Variants in CA10 observed in about 807,000 individuals in gnomAD.
CA10 encodes the protein carbonic anhydrase 10 (inactive), also known as carbonic anhydrase-related protein 10.
Under a neutral mutation model 44.2 loss-of-function variants are expected in CA10, and 14 were observed. That is an observed-to-expected ratio of 0.32 (90% CI 0.21 to 0.50). The LOEUF is 0.50. CA10 is among the 20% of genes least tolerant of loss of function. The probability of loss-of-function intolerance (pLI) is 0.99; values close to 1 mark genes in which losing one functional copy is unlikely to be tolerated. For synonymous variants in CA10, 159 were observed against 141.6 expected (o/e 1.12, Z -0.87); for missense variants, 350 against 409.7 (o/e 0.85, Z 1.26).
chr17:51,963,421 T>C (rs748860409), intron 2 of CA10, among the ~76,000 whole-genome samples: 30 of 152,108 alleles, frequency 2.0e-4, no homozygotes, highest in Non-Finnish European at 3.7e-4. Context: ...CAGAGAACAC[T>C]TGCAGTATCC....
At chr17:51,792,884 G>A (rs9913931) in intron 3 of CA10, among the ~76,000 whole-genome samples, 3,802 of 152,170 alleles carry the variant, frequency 0.025, 157 homozygotes, top group African/African-American at 0.085. Flanking sequence ...AAGACTATAC[G>A]GTATATATTA....
At position 51,873,133 on chromosome 17, in the gene CA10, GT is replaced by G. The variant is rs903846762; in HGVS notation, c.279+57856del. ...GGGAAGTTATTTAAGTCTCTGCATT[GT>G]TTTTTTTCCCTCACCTGCAAAGTGG... On this transcript the variant is annotated intron_variant, in intron 3 of 8. Coordinates refer to ENST00000451037, the MANE Select transcript of CA10 (RefSeq NM_020178.5). 5.3e-5 allele frequency among the ~76,000 whole-genome samples: 8 copies of G among 152,012 alleles called. No homozygotes were observed. The East Asian group carries it at 5.8e-4, about 11-fold the overall frequency.
intron 4 of CA10, among the ~76,000 whole-genome samples, chr17:51,738,207 T>G (rs1203682879): frequency 6.6e-6 from 1 of 152,200 alleles, no homozygotes; most frequent in Non-Finnish European, 1.5e-5. Flanking sequence ...TTGGCACCAT[T>G]GAAATGATTA....
At chr17:52,152,758 T>C (rs1349010328) in intron 1 of CA10, among the ~76,000 whole-genome samples, 3 of 152,140 alleles carry the variant, frequency 2.0e-5, no homozygotes, top group African/African-American at 7.2e-5. Context: ...ATGACACAGA[T>C]GCTTTACACT....
chr17:51,729,748 T>C (rs1916652734), intron 4 of CA10, among the ~76,000 whole-genome samples: 3 of 152,210 alleles, frequency 2.0e-5, no homozygotes, highest in Admixed American at 1.3e-4. Context: ...ATCATATAGT[T>C]TCTACTAAAC....
intron 2 of CA10, among the ~76,000 whole-genome samples, chr17:51,936,312 T>A (rs1461344732): frequency 6.6e-6 from 1 of 152,120 alleles, no homozygotes; most frequent in Non-Finnish European, 1.5e-5. Flanking sequence ...TATATGTCTA[T>A]CTGTGTAAAG....
intron 4 of CA10, among the ~76,000 whole-genome samples, chr17:51,679,025 C>A (rs1283576575): frequency 6.6e-6 from 1 of 152,086 alleles, no homozygotes; most frequent in Admixed American, 6.6e-5. Flanking sequence ...AAAGCAATTG[C>A]ATTTCTTATT....
chr17:52,066,102 C>T (rs1380994820), intron 2 of CA10, among the ~76,000 whole-genome samples: 2 of 152,122 alleles, frequency 1.3e-5, no homozygotes, highest in African/African-American at 4.8e-5. Flanking sequence ...TATAAATTAA[C>T]CAGTCTCAGG....
intron 3 of CA10, among the ~76,000 whole-genome samples, chr17:51,804,227 T>C (rs1907044508): frequency 6.6e-6 from 1 of 152,182 alleles, no homozygotes; most frequent in South Asian, 2.1e-4. Context: ...TTTCTATAAA[T>C]TAATCTGGAG....
At chr17:51,637,700 TC>T (rs1186109617) in intron 6 of CA10, among the ~76,000 whole-genome samples, 7 of 152,156 alleles carry the variant, frequency 4.6e-5, no homozygotes, top group Admixed American at 1.3e-4. Flanking sequence ...GATAGTAACA[TC>T]CTCCACTGAC....
chr17:51,689,311 A>T (rs1208257250), intron 4 of CA10, among the ~76,000 whole-genome samples: 1 of 152,242 alleles, frequency 6.6e-6, no homozygotes, highest in Non-Finnish European at 1.5e-5. Flanking sequence ...GCGAGGCTAA[A>T]TAACTTCATG....
At chr17:51,718,045 A>G (rs1018162068) in intron 4 of CA10, among the ~76,000 whole-genome samples, 12 of 147,542 alleles carry the variant, frequency 8.1e-5, no homozygotes, top group Non-Finnish European at 1.6e-4. Context: ...GAATGATACA[A>G]TGGACTTTGG....
At position 51,631,388 on chromosome 17, in the gene CA10, G is replaced by A. The variant is rs1244239815; in HGVS notation, c.*196C>T. On this transcript the variant is annotated 3_prime_UTR_variant, in exon 9 of 9. Coordinates refer to ENST00000451037, the MANE Select transcript of CA10 (RefSeq NM_020178.5). ...TGTATGTGCAAGTGCTTGTGTGTGT[G>A]TTTGTGAGTATGTGTGAGAGATGTA... 1.5e-6 allele frequency: 1 copy of A among 659,500 alleles called. No individual in the cohort carries two copies. Among genetic ancestry groups the A allele is most frequent in the African/African-American group, 1.8e-5 (1 of 55,516 alleles). The allele number at this position is 659,500 out of a possible 1,614,324, so 40.9% of individuals were successfully genotyped here.
At chr17:52,019,552 T>C (rs1489960745) in intron 2 of CA10, among the ~76,000 whole-genome samples, 2 of 152,082 alleles carry the variant, frequency 1.3e-5, no homozygotes, top group African/African-American at 2.4e-5. Context: ...AAGCATACAC[T>C]TTATAATTTT....
At chr17:52,002,183 C>T (rs1304977527) in intron 2 of CA10, among the ~76,000 whole-genome samples, 2 of 151,454 alleles carry the variant, frequency 1.3e-5, no homozygotes, top group South Asian at 4.2e-4. Context: ...GCACATGTAC[C>T]CTATAACTTA....
intron 2 of CA10, among the ~76,000 whole-genome samples, chr17:51,981,141 A>C (rs1368520524): frequency 1.3e-5 from 2 of 152,072 alleles, no homozygotes; most frequent in Non-Finnish European, 2.9e-5. Context: ...AGATATACCT[A>C]CCATAAGATT....
intron 4 of CA10, among the ~76,000 whole-genome samples, chr17:51,659,008 G>A (rs1913902144): frequency 6.6e-6 from 1 of 152,164 alleles, no homozygotes; most frequent in Non-Finnish European, 1.5e-5. Flanking sequence ...AGGCAAATTT[G>A]TGATGGTTAA....
At chr17:52,054,657 C>A (rs1477138951) in intron 2 of CA10, among the ~76,000 whole-genome samples, 1 of 152,036 alleles carries the variant, frequency 6.6e-6, no homozygotes, top group Admixed American at 6.6e-5. Context: ...CTCCCCCAGA[C>A]ACCCAGCTTT....
chr17:51,815,944 G>A (rs1284711288), intron 3 of CA10, among the ~76,000 whole-genome samples: 1 of 152,084 alleles, frequency 6.6e-6, no homozygotes, highest in African/African-American at 2.4e-5. Flanking sequence ...CTACACTCTT[G>A]TAGTTATTTT....
Sources: gnomAD v4.1 joint callset for allele counts (sites outside exome capture counted in the v4.1 genomes callset) on GRCh38, gnomAD v4.1.1 for gene constraint, MANE v1.5 for transcripts, NCBI Gene and HGNC (gene_info 2026-07-23, HGNC 2026-07-21) for gene names.